LARGE1: variants seen among roughly 807,000 people sequenced by gnomAD.
The protein encoded by LARGE1 is xylosyl- and glucuronyltransferase LARGE1.
In LARGE1, 43 loss-of-function variants were observed where a neutral mutation model predicts 87.6. The ratio of observed to expected loss-of-function variants is 0.49; its 90% CI spans 0.38 to 0.63. The LOEUF is 0.63. Ranked by LOEUF, LARGE1 falls within the 30% of genes least tolerant of loss-of-function variation. LARGE1 has a pLI of 0.00. For missense variants in LARGE1, 802 were observed against 1,000.2 expected (o/e 0.80, Z 2.67); for synonymous variants, 434 against 394.6 (o/e 1.10, Z -1.18).
intron 10 of LARGE1, among the ~76,000 whole-genome samples, chr22:33,323,828 G>A (rs1353667606): frequency 6.6e-6 from 1 of 152,156 alleles, no homozygotes; most frequent in East Asian, 1.9e-4. Context: ...CCAAACCTAA[G>A]CAATGTGGTT....
chr22:33,461,048 C>T (rs559674712), intron 6 of LARGE1, among the ~76,000 whole-genome samples: 1 of 152,216 alleles, frequency 6.6e-6, no homozygotes, highest in South Asian at 2.1e-4. Flanking sequence ...CACGAACTTA[C>T]CACAACATCA....
At chr22:33,414,306 G>T (rs992715357) in intron 7 of LARGE1, among the ~76,000 whole-genome samples, 19 of 152,138 alleles carry the variant, frequency 1.2e-4, no homozygotes, top group African/African-American at 4.6e-4. Context: ...CCAGGGACTA[G>T]GGGAAGGGAG....
intron 6 of LARGE1, among the ~76,000 whole-genome samples, chr22:33,556,898 C>T (rs909885874): frequency 2.6e-5 from 4 of 151,864 alleles, no homozygotes; most frequent in African/African-American, 7.3e-5. Context: ...CCCAGCTACT[C>T]GGGAGGCTGA....
chr22:33,076,795 C>G, the LARGE1 span, among the ~76,000 whole-genome samples: 2 of 150,432 alleles, frequency 1.3e-5, no homozygotes, highest in Non-Finnish European at 2.9e-5. Context: ...TTGAGAGACT[C>G]TTTCTTCTTT....
intron 10 of LARGE1, among the ~76,000 whole-genome samples, chr22:33,329,988 T>C (rs1937539837): frequency 6.6e-6 from 1 of 150,708 alleles, no homozygotes; most frequent in Non-Finnish European, 1.5e-5. Flanking sequence ...TTTCCTTATG[T>C]TTCATTAAAA....
intron 2 of LARGE1, among the ~76,000 whole-genome samples, chr22:33,697,062 G>A (rs1315241225): frequency 6.6e-6 from 1 of 152,046 alleles, no homozygotes; most frequent in Non-Finnish European, 1.5e-5. Context: ...TTTCCACCAA[G>A]CAGACACACC....
chr22:33,719,678 G>T (rs537445299), intron 2 of LARGE1, among the ~76,000 whole-genome samples: 1 of 151,756 alleles, frequency 6.6e-6, no homozygotes, highest in African/African-American at 2.4e-5. Context: ...CCACCACAAC[G>T]CCTGGCTAAT....
intron 1 of LARGE1, among the ~76,000 whole-genome samples, chr22:33,909,478 C>A (rs2065557857): frequency 6.6e-6 from 1 of 152,100 alleles, no homozygotes; most frequent in African/African-American, 2.4e-5. Flanking sequence ...AGTCACCCTG[C>A]CTTCCCAAAG....
At chr22:33,874,677 C>G (rs59667917) in intron 1 of LARGE1, among the ~76,000 whole-genome samples, 8,851 of 152,232 alleles carry the variant, frequency 0.058, 888 homozygotes, top group African/African-American at 0.2. Context: ...CCCCTGGGTT[C>G]AAATTCCACC....
chr22:33,364,147 C>T (rs1180522120), intron 9 of LARGE1, among the ~76,000 whole-genome samples: 2 of 151,936 alleles, frequency 1.3e-5, no homozygotes, highest in African/African-American at 4.8e-5. Flanking sequence ...CTCCGCCCCC[C>T]GGGTTCACGC....
chr22:33,451,770 G>C (rs1305925536), intron 6 of LARGE1, among the ~76,000 whole-genome samples: 3 of 152,098 alleles, frequency 2.0e-5, no homozygotes, highest in African/African-American at 7.2e-5. Context: ...TGTTGGGCAG[G>C]ATGGTCTTGA....
intron 9 of LARGE1, among the ~76,000 whole-genome samples, chr22:33,343,809 T>G (rs1008314385): frequency 1.3e-5 from 2 of 152,174 alleles, no homozygotes; most frequent in African/African-American, 4.8e-5. Context: ...TCTTGCTCAG[T>G]ATATTAGTCA....
At chr22:33,520,444 C>T (rs930757740) in intron 6 of LARGE1, among the ~76,000 whole-genome samples, 4 of 152,120 alleles carry the variant, frequency 2.6e-5, no homozygotes, top group African/African-American at 4.8e-5. Flanking sequence ...CCCACAATCC[C>T]GCAGGGAGAC....
chr22:33,878,125 A>ATTTATTTTTTTTTT (rs1601836110), intron 1 of LARGE1, among the ~76,000 whole-genome samples: 1 of 51,236 alleles, frequency 2.0e-5, no homozygotes, highest in Non-Finnish European at 4.1e-5. Flanking sequence ...TTTATATTGT[A>ATTTATTTTTTTTTT]TTTCTTTTTT....
intron 6 of LARGE1, among the ~76,000 whole-genome samples, chr22:33,500,625 G>C (rs918120008): frequency 2.0e-5 from 3 of 152,126 alleles, no homozygotes; most frequent in Non-Finnish European, 2.9e-5. Flanking sequence ...ACTCTTTGGT[G>C]ACTCTTTGAC....
At chr22:33,788,707 G>T (rs768402640) in intron 1 of LARGE1, among the ~76,000 whole-genome samples, 70 of 152,084 alleles carry the variant, frequency 4.6e-4, no homozygotes, top group Non-Finnish European at 6.3e-4. Flanking sequence ...GTGACATTTT[G>T]CCCCTGCCCT....
intron 6 of LARGE1, among the ~76,000 whole-genome samples, chr22:33,500,974 T>C (rs917004885): frequency 5.3e-5 from 8 of 151,838 alleles, no homozygotes; most frequent in African/African-American, 1.9e-4. Context: ...ATGAGACCAG[T>C]GAAAAGGGTT....
At chr22:33,365,196 C>A (rs2064542640) in intron 9 of LARGE1, among the ~76,000 whole-genome samples, 1 of 152,100 alleles carries the variant, frequency 6.6e-6, no homozygotes, top group African/African-American at 2.4e-5. Flanking sequence ...GATGGCTGAA[C>A]CTGACTTTCT....
chr22:33,527,020 G>A (rs1284987079), intron 6 of LARGE1, among the ~76,000 whole-genome samples: 1 of 152,240 alleles, frequency 6.6e-6, no homozygotes. Flanking sequence ...ACTTTGAGAG[G>A]CCGAGGCGGG....
Sources: allele counts gnomAD v4.1 joint callset (sites outside exome capture counted in the v4.1 genomes callset), GRCh38; gene constraint gnomAD v4.1.1; transcripts MANE v1.5; gene names NCBI Gene and HGNC (gene_info 2026-07-23, HGNC 2026-07-21).